The following ERC1 variants were observed in gnomAD, a reference collection of about 807,000 sequenced individuals.
ERC1 encodes RAB6 interacting protein 2.
Under a neutral mutation model 132.0 loss-of-function variants are expected in ERC1, and 56 were observed. That is an observed-to-expected ratio of 0.42 (90% CI 0.34 to 0.53). ERC1 has a LOEUF of 0.53. ERC1 is among the 20% of genes least tolerant of loss of function. The pLI is 0.03. For synonymous variants in ERC1, 478 were observed against 476.1 expected, an observed-to-expected ratio of 1.00 and a Z score of -0.05; for missense variants, 1,202 against 1,349.9, an observed-to-expected ratio of 0.89 and a Z score of 1.72.
intron 18 of ERC1, among the ~76,000 whole-genome samples, chr12:1,465,382 T>TAA (rs60434145): frequency 0.047 from 7,107 of 152,308 alleles, 194 homozygotes; most frequent in Non-Finnish European, 0.052. Flanking sequence ...GTACCAATCT[T>TAA]ACTGAGACGG....
intron 18 of ERC1, among the ~76,000 whole-genome samples, chr12:1,489,644 C>G (rs2094295996): frequency 5.9e-5 from 9 of 152,212 alleles, no homozygotes; most frequent in Admixed American, 5.9e-4. Flanking sequence ...AATTAGCAGG[C>G]CTCAGGTGGG....
intron 9 of ERC1, 104 bp downstream of exon 9, chr12:1,180,781 A>G (rs1180560539): frequency 1.4e-6 from 2 of 1,391,084 alleles, no homozygotes; most frequent in African/African-American, 2.9e-5. Context: ...AAGGGAAAAG[A>G]GCTGCTGTGT....
intron 16 of ERC1, among the ~76,000 whole-genome samples, chr12:1,392,577 A>T (rs1432492395): frequency 1.3e-5 from 2 of 152,176 alleles, no homozygotes; most frequent in Non-Finnish European, 2.9e-5. Flanking sequence ...TCATTACTTT[A>T]TTCAGCTTCC....
At chr12:1,223,981 G>A (rs2074362178) in intron 12 of ERC1, among the ~76,000 whole-genome samples, 1 of 152,116 alleles carries the variant, frequency 6.6e-6, no homozygotes, top group African/African-American at 2.4e-5. Flanking sequence ...CAAACTAGAT[G>A]TTAATCTACT....
chr12:1,333,521 C>A (rs558191560), intron 15 of ERC1, among the ~76,000 whole-genome samples: 1 of 151,714 alleles, frequency 6.6e-6, no homozygotes, highest in Non-Finnish European at 1.5e-5. Context: ...TTAGTAGAGA[C>A]GGGGTTTCAC....
chr12:1,038,535 A>G (rs1205477519), intron 2 of ERC1, among the ~76,000 whole-genome samples: 3 of 151,784 alleles, frequency 2.0e-5, no homozygotes, highest in African/African-American at 7.3e-5. Flanking sequence ...TAATTTTTGT[A>G]TTTTTAGTAG....
rs372632819 is a variant in ERC1, at chr12:1,098,075, C to G, written c.1087-6675C>G. On this transcript the variant is annotated intron_variant, in intron 3 of 18. Transcript: ENST00000360905. ...ATGGGAACCTTACTCATTAAACTGT[C>G]TTTGGAGCTTTGCAAGACTGCTGTT... Among the ~76,000 whole-genome samples the G allele has an allele frequency of 1.1e-4, 16 of 152,280 alleles. No homozygotes were observed. The East Asian group carries it at 1.7e-3, about 17-fold the overall frequency.
chr12:1,237,479 C>T (rs2075496797), intron 13 of ERC1, among the ~76,000 whole-genome samples: 1 of 152,148 alleles, frequency 6.6e-6, no homozygotes, highest in Non-Finnish European at 1.5e-5. Flanking sequence ...AAACCAGGCT[C>T]AACAACAGCA....
intron 15 of ERC1, 39 bp downstream of exon 15, chr12:1,290,051 G>T (rs377548199): frequency 6.4e-7 from 1 of 1,572,368 alleles, no homozygotes; most frequent in Non-Finnish European, 8.7e-7. Context: ...CATATGCTTA[G>T]TGGAAATACT....
intron 18 of ERC1, among the ~76,000 whole-genome samples, chr12:1,463,801 TTTC>T (rs1185042344): frequency 3.3e-5 from 5 of 151,740 alleles, no homozygotes; most frequent in Non-Finnish European, 5.9e-5. Context: ...AGTCTGGCAC[TTTC>T]TTCTTCTGTG....
At chr12:1,327,543 C>G (rs1158733826) in intron 15 of ERC1, among the ~76,000 whole-genome samples, 1 of 152,150 alleles carries the variant, frequency 6.6e-6, no homozygotes, top group Non-Finnish European at 1.5e-5. Flanking sequence ...TTTAGCCATT[C>G]CCTAGAAGTC....
At chr12:1,440,426 T>TA (rs1447085012) in intron 17 of ERC1, among the ~76,000 whole-genome samples, 1 of 150,972 alleles carries the variant, frequency 6.6e-6, no homozygotes, top group East Asian at 1.9e-4. Context: ...CAGGATGGTC[T>TA]CGATCTCCTG....
chr12:1,293,872 A>G (rs955275756), intron 15 of ERC1, among the ~76,000 whole-genome samples: 1 of 152,198 alleles, frequency 6.6e-6, no homozygotes, highest in Non-Finnish European at 1.5e-5. Context: ...AAGTCTGTAG[A>G]CATATGATAA....
At chr12:1,026,905 A>T (rs1019124871) in intron 1 of ERC1, among the ~76,000 whole-genome samples, 5 of 152,212 alleles carry the variant, frequency 3.3e-5, no homozygotes, top group Admixed American at 3.3e-4. Context: ...ATCCTTCAAC[A>T]CCTGTGAAAG....
chr12:1,491,561 T>C lies in ERC1; in HGVS notation c.*1331T>C, dbSNP rs533378262. ...CCCCTCCCCGATCTTAAGGTGTGTTTTCTAGAAAAGTTCCCTAATGGAATT... is the reference window on the plus strand; with the variant it reads ...CCCCTCCCCGATCTTAAGGTGTGTTCTCTAGAAAAGTTCCCTAATGGAATT... On this transcript the variant is annotated 3_prime_UTR_variant, in exon 19 of 19. Coordinates refer to ENST00000360905, the MANE Select transcript of ERC1 (RefSeq NM_178040.4). The C allele has an allele frequency of 4.0e-5, 9 of 227,620 alleles. No homozygotes were observed. The highest frequency in any genetic ancestry group is 1.7e-4 in the Admixed American group (3 of 17,254). 14.1% of individuals were successfully genotyped at this position (227,620 alleles called of 1,614,324 possible).
intron 2 of ERC1, among the ~76,000 whole-genome samples, chr12:1,034,730 C>T (rs577953518): frequency 3.3e-5 from 5 of 152,168 alleles, no homozygotes; most frequent in East Asian, 1.9e-4. Context: ...AAGTTATTGG[C>T]GTACTTGTTC....
rs780843791 is a variant in ERC1, at chr12:1,492,402, C to T, written c.*2172C>T. 5.1e-5 allele frequency: 12 copies of T among 233,044 alleles called. No individual in the cohort carries two copies. Among genetic ancestry groups the T allele is most frequent in the Admixed American group, 2.8e-4 (5 of 17,770 alleles). The allele number at this position is 233,044 out of a possible 1,614,324, so 14.4% of individuals were successfully genotyped here. A position where few individuals can be genotyped will look rare whatever the true frequency, so the allele number is the denominator to read the frequency against. ...TGTGATAACAGCCTTCACGGGGCCA[C>T]GGTGGAACCAAGACAGCAGGCGAGG... On this transcript the variant is annotated 3_prime_UTR_variant, in exon 19 of 19. Coordinates refer to ENST00000360905, the MANE Select transcript of ERC1 (RefSeq NM_178040.4).
intron 15 of ERC1, among the ~76,000 whole-genome samples, chr12:1,293,629 C>CAA (rs570069080): frequency 9.0e-5 from 10 of 110,510 alleles, no homozygotes; most frequent in South Asian, 2.8e-4. Context: ...AACTCTGTCT[C>CAA]AAAAAAAAAA....
rs57458560 is a variant in ERC1 at position 1,296,401 on chromosome 12, C to CTTTTTTTTTTTTTTT, written c.2780+6404_2780+6418dup. Among the ~76,000 whole-genome samples the CTTTTTTTTTTTTTTT allele has an allele frequency of 1.7e-4, 13 of 76,236 alleles. 2 individuals are homozygous for CTTTTTTTTTTTTTTT. The highest frequency in any genetic ancestry group is 2.3e-4 in the African/African-American group (4 of 17,560). 50.0% of individuals were successfully genotyped at this position (76,236 alleles called of 152,430 possible). A position where few individuals can be genotyped will look rare whatever the true frequency, so the allele number is the denominator to read the frequency against. ...AGAAATGAAACATTTATTGGATAGT[C>CTTTTTTTTTTTTTTT]TTTTTTTTTTTTTTTTTTTTTTTTT... On this transcript the variant is annotated intron_variant, in intron 15 of 18. Coordinates refer to ENST00000360905, the MANE Select transcript of ERC1 (RefSeq NM_178040.4).
Sources: gnomAD v4.1 joint callset for allele counts (sites outside exome capture counted in the v4.1 genomes callset) on GRCh38, gnomAD v4.1.1 for gene constraint, MANE v1.5 for transcripts, NCBI Gene and HGNC (gene_info 2026-07-23, HGNC 2026-07-21) for gene names.